VCL: variants seen among roughly 807,000 people sequenced by gnomAD.
The protein encoded by VCL is epididymis luminal protein 114.
VCL carries 47 observed loss-of-function variants against 125.7 expected under a neutral mutation model. The observed-to-expected ratio is 0.37, with a 90% CI of 0.30 to 0.48. The LOEUF (loss-of-function observed/expected upper bound fraction) is 0.48. VCL is among the 20% of genes least tolerant of loss of function. VCL has a pLI of 0.99. For synonymous variants in VCL, 458 were observed against 514.6 expected (o/e 0.89, Z 1.49); for missense variants, 1,069 against 1,455.5 (o/e 0.73, Z 4.32).
chr10:74,043,025 A>G, intron 1 of VCL, 58 bp from the exon 2 acceptor site: 1 of 1,442,924 alleles, frequency 6.9e-7, no homozygotes, highest in Middle Eastern at 2.1e-4. Context: ...TGCTTAAGTA[A>G]TAGTTTTTTA....
intron 5 of VCL, among the ~76,000 whole-genome samples, chr10:74,073,906 T>C (rs561913096): frequency 3.3e-5 from 5 of 152,264 alleles, no homozygotes; most frequent in Admixed American, 2.6e-4. Flanking sequence ...GTGTTTCAAG[T>C]AGTAGCTAAA....
intron 17 of VCL, 118 bp downstream of exon 17, chr10:74,107,472 G>A: frequency 1.3e-6 from 2 of 1,513,130 alleles, no homozygotes; most frequent in Non-Finnish European, 1.8e-6. Context: ...GCTTTCATTT[G>A]AAGCTTAGTG....
intron 1 of VCL, among the ~76,000 whole-genome samples, chr10:74,033,093 G>A (rs908072716): frequency 6.6e-6 from 1 of 152,172 alleles, no homozygotes; most frequent in East Asian, 1.9e-4. Context: ...GTTTATAGCA[G>A]CATTATTCAT....
Position 74,097,453 on chromosome 10 carries a change from G to A in VCL, c.1872+121G>A. The A allele has an allele frequency of 1.4e-6, 2 of 1,455,020 alleles. No individual in the cohort carries two copies. Among genetic ancestry groups the A allele is most frequent in the Non-Finnish European group, 1.9e-6 (2 of 1,056,864 alleles). The allele number at this position is 1,455,020 out of a possible 1,614,324, so 90.1% of individuals were successfully genotyped here. On this transcript the variant is annotated intron_variant, in intron 13 of 21. Coordinates refer to ENST00000211998, the MANE Select transcript of VCL (RefSeq NM_014000.3). The surrounding 1 kb of genome is among the most constrained non-coding windows in gnomAD (Gnocchi z 4.1). ...GGGAAACTGTAGATGAAGGGTGGAAGAGCAGAACAGGGAAAGCCCTACCAC... is the reference window on the plus strand; with the variant it reads ...GGGAAACTGTAGATGAAGGGTGGAAAAGCAGAACAGGGAAAGCCCTACCAC...
chr10:74,053,409 C>A (rs1393948871), intron 2 of VCL, among the ~76,000 whole-genome samples: 1 of 152,014 alleles, frequency 6.6e-6, no homozygotes, highest in Non-Finnish European at 1.5e-5. Flanking sequence ...CTAGTTATAT[C>A]ACATTTCCTA....
Position 74,111,989 on chromosome 10 carries a change from C to G in VCL, c.2826C>G (p.Pro942=), listed in dbSNP as rs1339171857. 6.2e-7 allele frequency: 1 copy of G among 1,614,084 alleles called. No individual in the cohort carries two copies. Among genetic ancestry groups the G allele is most frequent in the Non-Finnish European group, 8.5e-7 (1 of 1,180,042 alleles). The stretch of plus-strand genomic sequence containing the variant: ...CCGATGCTGCTGGCTTCCCTGTCCC[C>G]CCTGACATGGAAGACGATTACGAAC... ...DAADAAGFPV[P]PDMEDDYEPE... The change falls in exon 19 of 22, where the codon CCC becomes CCG. Residue 942 remains proline, a synonymous_variant. Coordinates refer to ENST00000211998, the MANE Select transcript of VCL (RefSeq NM_014000.3).
chr10:74,118,252 G>A lies in VCL; in HGVS notation c.*83G>A. 1 of 1,571,268 alleles carries A rather than the reference G, an allele frequency of 6.4e-7. No individual in the cohort carries two copies. Among genetic ancestry groups the A allele is most frequent in the South Asian group, 1.1e-5 (1 of 88,602 alleles). On this transcript the variant is annotated 3_prime_UTR_variant, in exon 22 of 22. Transcript: ENST00000211998. Reference sequence around the variant, plus strand: ...TGAGTCCCAGGAGCTGCCCAGAGTTGCTGGGAGCTGAAAAATCACATCCTG... The same window carrying A: ...TGAGTCCCAGGAGCTGCCCAGAGTTACTGGGAGCTGAAAAATCACATCCTG...
In VCL at chr10:74,105,004, C is replaced by T. The variant is rs755272814; in HGVS notation, c.2132-47C>T. 2.4e-5 allele frequency: 38 copies of T among 1,603,498 alleles called. 1 individual carries two copies. In the South Asian group the frequency reaches 4.1e-4, roughly 17 times the overall value. On this transcript the variant is annotated intron_variant, in intron 15 of 21. Coordinates refer to ENST00000211998, the MANE Select transcript of VCL (RefSeq NM_014000.3). Reference sequence around the variant, plus strand: ...AGTGGATAACAGTGTTTTGGAGTTTCTGTTCTTCTAAATTGAAACTAAATT... The same window carrying T: ...AGTGGATAACAGTGTTTTGGAGTTTTTGTTCTTCTAAATTGAAACTAAATT...
chr10:74,100,994 T>C lies in VCL; in HGVS notation c.1919T>C (p.Leu640Pro). ...AACTTTGAAAACCATTCAGGAAAGC[T>C]TGGTGCTACGGCCGAGAAGGCGGCT... ...AANFENHSGK[L>P]GATAEKAAAV... Residue 640 changes from leucine to proline, a missense_variant, in exon 14 of 22, where the codon CTT (leucine) becomes CCT (proline). Transcript: ENST00000211998. 1 of 1,614,116 alleles carries C rather than the reference T, an allele frequency of 6.2e-7. No homozygotes were observed. Among genetic ancestry groups the C allele is most frequent in the East Asian group, 2.2e-5 (1 of 44,884 alleles).
At chr10:74,013,884 T>C (rs1220376175) in intron 1 of VCL, among the ~76,000 whole-genome samples, 1 of 126,296 alleles carries the variant, frequency 7.9e-6, no homozygotes, top group Non-Finnish European at 1.7e-5. Flanking sequence ...GTTAGTCTAA[T>C]GAAAAGGCAG....
chr10:74,002,485 G>A (rs1840244942), intron 1 of VCL, among the ~76,000 whole-genome samples: 1 of 152,166 alleles, frequency 6.6e-6, no homozygotes, highest in African/African-American at 2.4e-5. Context: ...AGAGGAAGAC[G>A]AGATTACTTT....
chr10:74,074,073 A>G (rs1269845331), intron 5 of VCL, among the ~76,000 whole-genome samples: 1 of 152,142 alleles, frequency 6.6e-6, no homozygotes, highest in African/African-American at 2.4e-5. Context: ...ACTAAAAACA[A>G]AACAAAACAA....
intron 10 of VCL, among the ~76,000 whole-genome samples, chr10:74,091,791 C>CAAAAAAAAA (rs545539526): frequency 6.2e-4 from 38 of 61,130 alleles, no homozygotes; most frequent in Admixed American, 9.0e-4. Flanking sequence ...TCTGTCTCAG[C>CAAAAAAAAA]AAAAAAAAAA....
At chr10:73,999,351 T>C (rs1056283506) in intron 1 of VCL, among the ~76,000 whole-genome samples, 9 of 152,184 alleles carry the variant, frequency 5.9e-5, no homozygotes, top group Non-Finnish European at 1.3e-4. Context: ...CCCACAGCTG[T>C]GACTCATAAC....
chr10:74,103,342 G>C (rs1398944936), intron 14 of VCL, among the ~76,000 whole-genome samples: 3 of 152,114 alleles, frequency 2.0e-5, no homozygotes, highest in Admixed American at 6.5e-5. Context: ...AGGACCTCTT[G>C]AGCAGTCACT....
In VCL at chr10:74,101,064, C is replaced by A; in HGVS notation, c.1989C>A (p.Ala663=). ...ANKSTVEGIQ[A]SVKTARELTP... ...AATCAACAGTGGAAGGCATTCAGGCCTCAGTGAAGACGGCCCGAGAACTCA... is the reference window on the plus strand; with the variant it reads ...AATCAACAGTGGAAGGCATTCAGGCATCAGTGAAGACGGCCCGAGAACTCA... Residue 663 remains alanine, a synonymous_variant, in exon 14 of 22, where the codon GCC becomes GCA. Coordinates refer to ENST00000211998, the MANE Select transcript of VCL (RefSeq NM_014000.3). The A allele has an allele frequency of 6.2e-7, 1 of 1,613,654 alleles. No homozygotes were observed. The highest frequency in any genetic ancestry group is 8.5e-7 in the Non-Finnish European group (1 of 1,179,754).
chr10:74,026,612 C>T (rs529112443), intron 1 of VCL, among the ~76,000 whole-genome samples: 1 of 152,084 alleles, frequency 6.6e-6, no homozygotes. Flanking sequence ...GAAAAAGGGA[C>T]TAATGTTTAT....
At chr10:74,043,834 G>A (rs1287575071) in intron 2 of VCL, among the ~76,000 whole-genome samples, 3 of 151,962 alleles carry the variant, frequency 2.0e-5, no homozygotes, top group African/African-American at 2.4e-5. Flanking sequence ...TTGGCCGGGC[G>A]TGGTGGCTCA....
Position 74,069,334 on chromosome 10 carries a change from C to T in VCL, c.240-1336C>T, listed in dbSNP as rs1481466879. On this transcript the variant is annotated intron_variant, in intron 2 of 21. Coordinates refer to ENST00000211998, the MANE Select transcript of VCL (RefSeq NM_014000.3). ...GGATTACAGGCATGAGCCAACTGCG[C>T]CCGGCCATGTATTGGCTTATTCTGC... Among the ~76,000 whole-genome samples, 7 of 152,316 alleles carry T rather than the reference C, an allele frequency of 4.6e-5. No individual in the cohort carries two copies. The East Asian group carries it at 7.7e-4, about 17-fold the overall frequency.
Sources: gnomAD v4.1 joint callset for allele counts (sites outside exome capture counted in the v4.1 genomes callset) on GRCh38, gnomAD v4.1.1 for gene constraint, Gnocchi (gnomAD v3.1) non-coding constraint, MANE v1.5 for transcripts, NCBI Gene and HGNC (gene_info 2026-07-23, HGNC 2026-07-21) for gene names.